The following TRAF2 variants were observed in gnomAD, a reference collection of about 807,000 sequenced individuals.
TRAF2 encodes the protein TNF receptor associated factor 2, also known as TNF receptor-associated factor 2.
TRAF2 carries 6 observed loss-of-function variants against 55.6 expected under a neutral mutation model. The ratio of observed to expected loss-of-function variants is 0.11; its 90% CI spans 0.06 to 0.21. The LOEUF is 0.21. Among genes scored for constraint, TRAF2 ranks in the 10% least tolerant of loss-of-function variants. TRAF2 has a pLI of 1.00. For synonymous variants in TRAF2, 329 were observed against 276.3 expected (o/e 1.19, Z -1.89); for missense variants, 561 against 684.5 (o/e 0.82, Z 2.01).
chr9:136,922,044 T>C (rs1056998757), intron 9 of TRAF2, among the ~76,000 whole-genome samples: 26 of 152,362 alleles, frequency 1.7e-4, no homozygotes, highest in African/African-American at 6.0e-4. Context: ...GCCGAGATGC[T>C]GTAGGCACCT....
chr9:136,925,774 TCAA>T lies in TRAF2; in HGVS notation c.1381_1383del (p.Asn461del), dbSNP rs1180547035. The T allele has an allele frequency of 1.2e-6, 2 of 1,614,084 alleles. No individual in the cohort carries two copies. The highest frequency in any genetic ancestry group is 1.7e-6 in the Non-Finnish European group (2 of 1,180,048). On this transcript the variant is annotated inframe_deletion, in exon 11 of 11. Transcript: ENST00000247668. ...ACTTCATCCTCTTTTCAGAGGCCAGTCAACGACATGAACATCGCAAGCGGCTGC... is the reference window on the plus strand; with the variant it reads ...ACTTCATCCTCTTTTCAGAGGCCAGTCGACATGAACATCGCAAGCGGCTGC...
In TRAF2 at chr9:136,892,772, C is replaced by T. The variant is rs541841068; in HGVS notation, c.-28-5941C>T. ...ACAGGCGTCTGTAATCCCAGCTACT[C>T]GGGAGGCTGAGGCAGGAGAATCGCT... is the stretch of plus-strand genomic sequence containing the variant. On this transcript the variant is annotated intron_variant, in intron 1 of 10. Transcript: ENST00000247668. 4.0e-5 allele frequency among the ~76,000 whole-genome samples: 6 copies of T among 150,806 alleles called. No homozygotes were observed. In the East Asian group the frequency reaches 8.0e-4, roughly 20 times the overall value.
rs544208840 is a variant in TRAF2, at chr9:136,905,833, G to A, written c.367-2237G>A. 1.7e-4 allele frequency among the ~76,000 whole-genome samples: 26 copies of A among 152,236 alleles called. No individual in the cohort carries two copies. In the East Asian group the frequency reaches 3.5e-3, roughly 20 times the overall value. Reference sequence around the variant, plus strand: ...GTAAGATGGCTCTACCGCCGGGCGCGGTGGCTCACACCTGTAATCCCAGCA... The same window carrying A: ...GTAAGATGGCTCTACCGCCGGGCGCAGTGGCTCACACCTGTAATCCCAGCA... On this transcript the variant is annotated intron_variant, in intron 4 of 10. Coordinates refer to ENST00000247668, the MANE Select transcript of TRAF2 (RefSeq NM_021138.4).
intron 1 of TRAF2, among the ~76,000 whole-genome samples, chr9:136,895,708 C>G (rs1849665238): frequency 6.6e-6 from 1 of 152,078 alleles, no homozygotes; most frequent in Non-Finnish European, 1.5e-5. Context: ...AATTAGCCAC[C>G]TGTGGTGGCG....
chr9:136,909,896 C>T (rs374327426), intron 5 of TRAF2, 24 bp from the exon 6 acceptor site: 1 of 1,613,830 alleles, frequency 6.2e-7, no homozygotes, highest in Non-Finnish European at 8.5e-7. Flanking sequence ...TCCACCCTCA[C>T]ACTCCTGATC....
upstream of TRAF2, chr9:136,882,671 G>C (rs1047564721): frequency 2.0e-6 from 2 of 985,622 alleles, no homozygotes; most frequent in African/African-American, 3.5e-5. Context: ...CGGCAGGAAG[G>C]AGCCCACGTG....
rs559673658 is a variant in TRAF2 at position 136,893,910 on chromosome 9, C to T, written c.-28-4803C>T. Among the ~76,000 whole-genome samples, 634 of 151,784 alleles carry T rather than the reference C, an allele frequency of 4.2e-3. 2 individuals are homozygous for T. Among genetic ancestry groups the T allele is most frequent in the Non-Finnish European group, 6.8e-3 (465 of 67,936 alleles). ...GATTACAGGCGTGCACCACCACGCCCGGCTAATTTTTGTATTTTTACTAGA... is the reference window on the plus strand; with the variant it reads ...GATTACAGGCGTGCACCACCACGCCTGGCTAATTTTTGTATTTTTACTAGA... On this transcript the variant is annotated intron_variant, in intron 1 of 10. Transcript: ENST00000247668.
chr9:136,917,331 A>AC (rs1850266556), intron 7 of TRAF2, among the ~76,000 whole-genome samples: 1 of 152,156 alleles, frequency 6.6e-6, no homozygotes, highest in African/African-American at 2.4e-5. Context: ...TTCCTTGGGC[A>AC]TGCCCACTTG....
chr9:136,894,708 A>G (rs1459189264), intron 1 of TRAF2, among the ~76,000 whole-genome samples: 1 of 152,056 alleles, frequency 6.6e-6, no homozygotes, highest in Non-Finnish European at 1.5e-5. Flanking sequence ...TATTGTGGGT[A>G]TGAAGGAGGA....
intron 7 of TRAF2, among the ~76,000 whole-genome samples, chr9:136,917,813 C>T (rs1442283502): frequency 2.6e-5 from 4 of 152,178 alleles, no homozygotes; most frequent in African/African-American, 2.4e-5. Context: ...CCTGCTCTGA[C>T]GTGGCATCTG....
intron 6 of TRAF2, among the ~76,000 whole-genome samples, chr9:136,915,483 A>C (rs560707148): frequency 5.4e-4 from 82 of 152,140 alleles, no homozygotes; most frequent in African/African-American, 1.9e-3. Context: ...TCAGGTAAAA[A>C]TGCACTGAAC....
intron 6 of TRAF2, 117 bp from the exon 7 acceptor site, chr9:136,916,422 AGT>A: frequency 2.1e-6 from 2 of 953,004 alleles, no homozygotes; most frequent in Non-Finnish European, 3.4e-6. Flanking sequence ...TCAGTGTGAG[AGT>A]GAAGAGGCCA....
chr9:136,904,954 G>A (rs1849912351), intron 4 of TRAF2, among the ~76,000 whole-genome samples: 1 of 152,224 alleles, frequency 6.6e-6, no homozygotes, highest in Non-Finnish European at 1.5e-5. Context: ...TGGAGGTCTT[G>A]GAGGGCTGGG....
Position 136,899,663 on chromosome 9 carries a change from A to G in TRAF2, c.258A>G (p.Glu86=). ...ATGAAGAAGGCATTTCTATTTTAGA[A>G]AGCAGTTCGGTAAGTAAAATGTCTT... ...GIYEEGISIL[E]SSSAFPDNAA... is the part of the protein sequence containing the mutation. Residue 86 remains glutamate (E), a synonymous_variant, in exon 3 of 11, where the codon GAA becomes GAG. Transcript: ENST00000247668. 1 of 1,612,580 alleles carries G rather than the reference A, an allele frequency of 6.2e-7. No individual in the cohort carries two copies. Among genetic ancestry groups the G allele is most frequent in the East Asian group, 2.2e-5 (1 of 44,820 alleles).
intron 6 of TRAF2, among the ~76,000 whole-genome samples, chr9:136,913,741 A>G (rs1433087806): frequency 6.6e-6 from 1 of 151,892 alleles, no homozygotes; most frequent in Non-Finnish European, 1.5e-5. Flanking sequence ...GATGTAAACT[A>G]TTGGCCTGCT....
chr9:136,909,404 C>CT (rs1459390046), intron 5 of TRAF2, among the ~76,000 whole-genome samples: 2 of 152,154 alleles, frequency 1.3e-5, no homozygotes, highest in Non-Finnish European at 2.9e-5. Context: ...CCCATGGCAT[C>CT]TTTTTTCCTG....
At chr9:136,923,483 C>T (rs916637286) in intron 9 of TRAF2, among the ~76,000 whole-genome samples, 11 of 151,860 alleles carry the variant, frequency 7.2e-5, no homozygotes, top group Admixed American at 6.6e-4. Flanking sequence ...TGGTGTCGAG[C>T]GTCTGTAATC....
chr9:136,923,974 C>T lies in TRAF2; in HGVS notation c.1261C>T (p.Leu421=). The change falls in exon 10 of 11, where the codon CTG becomes TTG. Residue 421 remains leucine (L), a synonymous_variant. Transcript: ENST00000247668. ...FVVMKGPNDA[L]LRWPFNQKVT... ...GGTGATGAAGGGCCCGAATGACGCCCTGCTGCGGTGGCCCTTCAACCAGAA... is the reference window on the plus strand; with the variant it reads ...GGTGATGAAGGGCCCGAATGACGCCTTGCTGCGGTGGCCCTTCAACCAGAA... 1 of 1,613,678 alleles carries T rather than the reference C, an allele frequency of 6.2e-7. No homozygotes were observed. Among genetic ancestry groups the T allele is most frequent in the Non-Finnish European group, 8.5e-7 (1 of 1,179,970 alleles).
At chr9:136,903,536 A>ATTT (rs11422823) in intron 4 of TRAF2, among the ~76,000 whole-genome samples, 6 of 148,092 alleles carry the variant, frequency 4.1e-5, no homozygotes, top group Admixed American at 1.3e-4. Flanking sequence ...ATAAATATTG[A>ATTT]TTTTTTTTTT....
Sources: allele counts gnomAD v4.1 joint callset (sites outside exome capture counted in the v4.1 genomes callset), GRCh38; gene constraint gnomAD v4.1.1; transcripts MANE v1.5; gene names NCBI Gene and HGNC (gene_info 2026-07-23, HGNC 2026-07-21).